Variants in ANO3 observed in about 807,000 individuals in gnomAD.
The protein encoded by ANO3 is anoctamin-3.
A neutral mutation model predicts 144.8 loss-of-function variants in ANO3; 99 were observed. That is an observed-to-expected ratio of 0.68 (90% confidence interval 0.58 to 0.81). The LOEUF (loss-of-function observed/expected upper bound fraction) is 0.81. Among genes scored for constraint, ANO3 ranks in the 30% least tolerant of loss-of-function variants. The pLI is 0.00. For missense variants in ANO3, 905 were observed against 1,202.2 expected (o/e 0.75, Z 3.66); for synonymous variants, 414 against 392.6 (o/e 1.05, Z -0.64).
chr11:26,385,009 A>G (rs997746328), intron 1 of ANO3, among the ~76,000 whole-genome samples: 5 of 152,162 alleles, frequency 3.3e-5, no homozygotes, highest in African/African-American at 1.2e-4. Flanking sequence ...CCTTTTCTCA[A>G]GTTATTTTAT....
At chr11:26,328,674 G>A (rs953558001), upstream of ANO3, among the ~76,000 whole-genome samples, 10 of 152,186 alleles carry the variant, frequency 6.6e-5, no homozygotes, top group Admixed American at 2.0e-4. Flanking sequence ...CAGGAGACAG[G>A]TTGTGAGTTG....
At chr11:26,329,327 C>CACACAG (rs1476384143), upstream of ANO3, among the ~76,000 whole-genome samples, 7 of 110,372 alleles carry the variant, frequency 6.3e-5, no homozygotes, top group Admixed American at 3.4e-4. Flanking sequence ...CACACACACA[C>CACACAG]AGAGAGAGAG....
chr11:26,221,557 GT>G (rs1351877733), intron 1 of ANO3, among the ~76,000 whole-genome samples: 1 of 152,130 alleles, frequency 6.6e-6, no homozygotes, highest in South Asian at 2.1e-4. Flanking sequence ...GTGTTAGTCT[GT>G]TTTTTCATTG....
At chr11:26,481,936 A>G (rs1455122171) in intron 4 of ANO3, among the ~76,000 whole-genome samples, 3 of 151,924 alleles carry the variant, frequency 2.0e-5, no homozygotes, top group Non-Finnish European at 2.9e-5. Flanking sequence ...CTCTTCACCT[A>G]TACTGGAGTG....
At chr11:26,291,807 G>A (rs1460889109) in intron 1 of ANO3, among the ~76,000 whole-genome samples, 1 of 152,132 alleles carries the variant, frequency 6.6e-6, no homozygotes, top group Non-Finnish European at 1.5e-5. Flanking sequence ...TCCCTTTGTG[G>A]GTAACTCGAC....
intron 4 of ANO3, among the ~76,000 whole-genome samples, chr11:26,480,468 C>A (rs1460414557): frequency 1.3e-5 from 2 of 152,026 alleles, no homozygotes; most frequent in African/African-American, 2.4e-5. Context: ...TTATGTATTT[C>A]ATAGTAGTAG....
chr11:26,503,725 CT>C (rs1861292688), intron 4 of ANO3, among the ~76,000 whole-genome samples: 1 of 151,952 alleles, frequency 6.6e-6, no homozygotes, highest in Non-Finnish European at 1.5e-5. Context: ...TAGGTTACTT[CT>C]TTTTATAAAG....
intron 1 of ANO3, among the ~76,000 whole-genome samples, chr11:26,354,878 T>A (rs1331547594): frequency 6.6e-6 from 1 of 152,106 alleles, no homozygotes. Context: ...GTAAGATTTT[T>A]TTTTTTAAAT....
intron 1 of ANO3, among the ~76,000 whole-genome samples, chr11:26,319,543 T>C (rs1854709473): frequency 6.6e-6 from 1 of 152,198 alleles, no homozygotes; most frequent in South Asian, 2.1e-4. Context: ...TCATCACTTA[T>C]GGCTGCTTTG....
At chr11:26,303,167 T>C (rs916113972) in intron 1 of ANO3, among the ~76,000 whole-genome samples, 2 of 152,326 alleles carry the variant, frequency 1.3e-5, no homozygotes, top group African/African-American at 4.8e-5. Context: ...AGAACCACCA[T>C]TTGACCCAGC....
rs139883326 is a variant in ANO3 at position 26,532,687 on chromosome 11, G to T, written c.869+1351G>T. Among the ~76,000 whole-genome samples the T allele has an allele frequency of 2.7e-3, 402 of 151,632 alleles. 1 individual carries two copies. The highest frequency in any genetic ancestry group is 9.2e-3 in the African/African-American group (380 of 41,320). ...TCCCAACTCAGTCTTTCTTCTTGCT[G>T]TTCTCATTGTTTGCCATGCTCTGCC... On this transcript the variant is annotated intron_variant, in intron 8 of 26. Transcript: ENST00000256737.
chr11:26,573,540 T>C (rs1590570027), intron 14 of ANO3, among the ~76,000 whole-genome samples: 1 of 152,168 alleles, frequency 6.6e-6, no homozygotes, highest in East Asian at 1.9e-4. Flanking sequence ...GGGTGCACCT[T>C]TTCCCTAGGC....
intron 14 of ANO3, among the ~76,000 whole-genome samples, chr11:26,564,058 T>A (rs998833630): frequency 6.6e-6 from 1 of 151,804 alleles, no homozygotes; most frequent in African/African-American, 2.4e-5. Flanking sequence ...TCTAAAAAAA[T>A]TAATTTTCAT....
intron 3 of ANO3, 25 bp from the exon 4 acceptor site, chr11:26,463,005 A>G (rs376694090): frequency 2.0e-5 from 25 of 1,236,010 alleles, no homozygotes; most frequent in African/African-American, 1.4e-4. Context: ...AGAAATGGAT[A>G]TAACTTTCTC....
chr11:26,501,402 T>C (rs1454320907), intron 4 of ANO3, among the ~76,000 whole-genome samples: 1 of 152,170 alleles, frequency 6.6e-6, no homozygotes, highest in Non-Finnish European at 1.5e-5. Flanking sequence ...AATATTTGGT[T>C]ACATTGGTTC....
intron 23 of ANO3, among the ~76,000 whole-genome samples, chr11:26,645,553 C>T (rs1326727276): frequency 6.6e-6 from 1 of 152,016 alleles, no homozygotes; most frequent in East Asian, 1.9e-4. Flanking sequence ...TTAAAATATA[C>T]TTATCTGTAA....
intron 1 of ANO3, among the ~76,000 whole-genome samples, chr11:26,357,918 CAT>C (rs1357800293): frequency 6.6e-6 from 1 of 152,038 alleles, no homozygotes; most frequent in African/African-American, 2.4e-5. Context: ...AATGTTTTGA[CAT>C]GTTTTGAACA....
At chr11:26,233,928 G>A (rs1033332368) in intron 1 of ANO3, among the ~76,000 whole-genome samples, 19 of 152,090 alleles carry the variant, frequency 1.2e-4, no homozygotes, top group Middle Eastern at 3.4e-3. Context: ...AACATTACAC[G>A]CAAGGGCCTG....
chr11:26,283,355 T>C (rs75332324), intron 1 of ANO3, among the ~76,000 whole-genome samples: 8,082 of 129,816 alleles, frequency 0.062, 744 homozygotes, highest in African/African-American at 0.15. Flanking sequence ...TATATATATA[T>C]ATATATATAT....
Sources: gnomAD v4.1 joint callset for allele counts (sites outside exome capture counted in the v4.1 genomes callset) on GRCh38, gnomAD v4.1.1 for gene constraint, MANE v1.5 for transcripts, NCBI Gene and HGNC (gene_info 2026-07-23, HGNC 2026-07-21) for gene names.